The following LRRTM4 variants were observed in gnomAD, a reference collection of about 807,000 sequenced individuals.
The protein encoded by LRRTM4 is leucine rich repeat transmembrane neuronal 4.
A neutral mutation model predicts 47.6 loss-of-function variants in LRRTM4; 25 were observed. The ratio of observed to expected loss-of-function variants is 0.53; its 90% CI spans 0.38 to 0.73. LRRTM4 has a LOEUF of 0.73. Ranked by LOEUF, LRRTM4 falls within the 30% of genes least tolerant of loss-of-function variation. The probability of loss-of-function intolerance (pLI) is 0.00; values close to 1 mark genes in which losing one functional copy is unlikely to be tolerated. For missense variants in LRRTM4, 638 were observed against 713.4 expected, an observed-to-expected ratio of 0.89 and a Z score of 1.20; for synonymous variants, 311 against 269.5, an observed-to-expected ratio of 1.15 and a Z score of -1.51.
intron 3 of LRRTM4, among the ~76,000 whole-genome samples, chr2:77,061,418 A>C (rs1679780534): frequency 2.0e-5 from 3 of 152,138 alleles, no homozygotes; most frequent in Admixed American, 6.6e-5. Context: ...ATAAACCTGC[A>C]GAGTTGCTGA....
chr2:77,050,020 C>T (rs768790844), intron 3 of LRRTM4, among the ~76,000 whole-genome samples: 34 of 151,800 alleles, frequency 2.2e-4, no homozygotes, highest in Non-Finnish European at 2.9e-5. Flanking sequence ...AACAAAGAAT[C>T]ATCTCCATAA....
chr2:77,397,649 A>G (rs563336832), intron 3 of LRRTM4, among the ~76,000 whole-genome samples: 1 of 151,928 alleles, frequency 6.6e-6, no homozygotes, highest in East Asian at 1.9e-4. Context: ...CTGTCTCTAG[A>G]TTACTGATAG....
In LRRTM4 at chr2:77,279,315, T is replaced by A. The variant is rs565852190; in HGVS notation, c.1551+239003A>T. 2.0e-4 allele frequency among the ~76,000 whole-genome samples: 31 copies of A among 152,146 alleles called. No homozygotes were observed. The South Asian group carries it at 6.4e-3, about 32-fold the overall frequency. On this transcript the variant is annotated intron_variant, in intron 3 of 3. Transcript: ENST00000409884. ...TTTATCATGATGATTCTTTAAATAT[T>A]TGGTAATATTATCCTAGCTTTCGCT... is the stretch of plus-strand genomic sequence containing the variant.
chr2:76,808,510 C>T (rs558230629), intron 3 of LRRTM4, among the ~76,000 whole-genome samples: 60 of 150,914 alleles, frequency 4.0e-4, no homozygotes, highest in African/African-American at 1.2e-3. Flanking sequence ...CCAATCATGC[C>T]GAAAGAAACA....
In LRRTM4 at chr2:77,211,935, A is replaced by G. The variant is rs973919328; in HGVS notation, c.1551+306383T>C. Among the ~76,000 whole-genome samples, 7 of 152,234 alleles carry G rather than the reference A, an allele frequency of 4.6e-5. No individual in the cohort carries two copies. The South Asian group carries it at 6.2e-4, about 14-fold the overall frequency. ...TATATTCTTTATTAATTTTTCATGA[A>G]TGTTTTTCCCACTTGATAATAAGCT... is the stretch of plus-strand genomic sequence containing the variant. On this transcript the variant is annotated intron_variant, in intron 3 of 3. Coordinates refer to ENST00000409884, the MANE Select transcript of LRRTM4 (RefSeq NM_001134745.3).
At chr2:77,343,301 A>C (rs1414680924) in intron 3 of LRRTM4, among the ~76,000 whole-genome samples, 2 of 151,984 alleles carry the variant, frequency 1.3e-5, no homozygotes, top group Non-Finnish European at 2.9e-5. Context: ...TGGTCTTGTC[A>C]TAAAATAGAT....
At chr2:77,386,703 C>T (rs759382437) in intron 3 of LRRTM4, among the ~76,000 whole-genome samples, 8 of 152,024 alleles carry the variant, frequency 5.3e-5, no homozygotes, top group East Asian at 3.9e-4. Context: ...AACCAAACAC[C>T]GCATGTTCTC....
At chr2:76,867,123 G>T (rs1558701962) in intron 3 of LRRTM4, among the ~76,000 whole-genome samples, 1 of 152,002 alleles carries the variant, frequency 6.6e-6, no homozygotes, top group Admixed American at 6.6e-5. Flanking sequence ...TGCATGTGGG[G>T]GTTAAAACCT....
intron 3 of LRRTM4, among the ~76,000 whole-genome samples, chr2:76,937,315 A>T (rs1316035393): frequency 6.6e-6 from 1 of 152,148 alleles, no homozygotes; most frequent in African/African-American, 2.4e-5. Context: ...AGCCATAATC[A>T]GATATGGAGG....
intron 3 of LRRTM4, among the ~76,000 whole-genome samples, chr2:77,351,675 G>A (rs1449267808): frequency 1.4e-5 from 2 of 146,406 alleles, no homozygotes; most frequent in Non-Finnish European, 3.0e-5. Context: ...ATGTATACTC[G>A]AACATAATTA....
intron 3 of LRRTM4, among the ~76,000 whole-genome samples, chr2:77,052,800 C>T (rs575971039): frequency 7.9e-5 from 12 of 151,984 alleles, no homozygotes; most frequent in Admixed American, 4.6e-4. Context: ...ATACAAAGGA[C>T]GCTGACACAG....
Position 77,466,827 on chromosome 2 carries a change from T to A in LRRTM4, c.1551+51491A>T, listed in dbSNP as rs139261609. On this transcript the variant is annotated intron_variant, in intron 3 of 3. Coordinates refer to ENST00000409884, the MANE Select transcript of LRRTM4 (RefSeq NM_001134745.3). ...GATTCTCCTGCCTCAGCCTCCCAAG[T>A]AGGTGGGACTACAGGTGCCTGCCAA... 7.6e-3 allele frequency among the ~76,000 whole-genome samples: 1,152 copies of A among 151,768 alleles called. 41 individuals carry two copies. In the East Asian group the frequency reaches 0.14, roughly 18 times the overall value.
intron 3 of LRRTM4, among the ~76,000 whole-genome samples, chr2:77,171,574 G>A (rs1188869961): frequency 4.0e-5 from 6 of 151,780 alleles, no homozygotes; most frequent in Non-Finnish European, 7.4e-5. Flanking sequence ...ACGGCGACTG[G>A]CCTGGTTTAT....
chr2:77,245,532 A>G (rs1213519295), intron 3 of LRRTM4, among the ~76,000 whole-genome samples: 1 of 102,558 alleles, frequency 9.8e-6, no homozygotes, highest in Non-Finnish European at 2.1e-5. Flanking sequence ...AAAAAAAAAA[A>G]AAAAAAGAAG....
intron 3 of LRRTM4, among the ~76,000 whole-genome samples, chr2:76,812,079 G>C (rs1670750643): frequency 6.6e-6 from 1 of 151,996 alleles, no homozygotes; most frequent in African/African-American, 2.4e-5. Flanking sequence ...TACTCCTTTT[G>C]ATAGATGGAG....
chr2:77,289,717 A>T (rs12105416), intron 3 of LRRTM4, among the ~76,000 whole-genome samples: 3 of 152,008 alleles, frequency 2.0e-5, no homozygotes, highest in Non-Finnish European at 1.5e-5. Context: ...TGCATTCAAG[A>T]TTACATGATA....
At chr2:76,935,065 T>C (rs1191797289) in intron 3 of LRRTM4, among the ~76,000 whole-genome samples, 2 of 152,094 alleles carry the variant, frequency 1.3e-5, no homozygotes, top group East Asian at 3.9e-4. Flanking sequence ...GAGAAAAGAA[T>C]AGTAATAATA....
chr2:77,343,241 C>T (rs1429778735), intron 3 of LRRTM4, among the ~76,000 whole-genome samples: 1 of 151,860 alleles, frequency 6.6e-6, no homozygotes, highest in Non-Finnish European at 1.5e-5. Context: ...ATGGAAAGCT[C>T]TCATACTTTT....
intron 3 of LRRTM4, among the ~76,000 whole-genome samples, chr2:77,355,299 A>G (rs1671927373): frequency 6.6e-6 from 1 of 152,178 alleles, no homozygotes; most frequent in Non-Finnish European, 1.5e-5. Context: ...ATAATATAAC[A>G]TCAAATATCC....
Sources: allele counts gnomAD v4.1 joint callset (sites outside exome capture counted in the v4.1 genomes callset), GRCh38; gene constraint gnomAD v4.1.1; transcripts MANE v1.5; gene names NCBI Gene and HGNC (gene_info 2026-07-23, HGNC 2026-07-21).